KCNMA1: variants seen among roughly 807,000 people sequenced by gnomAD.
KCNMA1 encodes the protein Calcium-activated potassium channel subunit alpha-1.
In KCNMA1, 29 loss-of-function variants were observed where a neutral mutation model predicts 140.0. The ratio of observed to expected loss-of-function variants is 0.21; its 90% CI spans 0.15 to 0.28. The LOEUF is 0.28. Among genes scored for constraint, KCNMA1 ranks in the 10% least tolerant of loss-of-function variants. KCNMA1 has a pLI of 1.00. For synonymous variants in KCNMA1, 612 were observed against 611.9 expected (o/e 1.00, Z 0.00); for missense variants, 880 against 1,602.2 (o/e 0.55, Z 7.70).
At chr10:77,361,421 C>T (rs1260861991) in intron 2 of KCNMA1, among the ~76,000 whole-genome samples, 4 of 152,194 alleles carry the variant, frequency 2.6e-5, no homozygotes, top group African/African-American at 9.7e-5. Context: ...GGGACTTCCT[C>T]CCAGGAGGCC....
intron 2 of KCNMA1, among the ~76,000 whole-genome samples, chr10:77,306,938 G>T (rs1408107333): frequency 6.6e-6 from 1 of 152,164 alleles, no homozygotes; most frequent in Non-Finnish European, 1.5e-5. Flanking sequence ...ATTAGCCAAG[G>T]TCAATACCTG....
At chr10:77,290,463 TC>T (rs1259868591) in intron 2 of KCNMA1, among the ~76,000 whole-genome samples, 1 of 152,172 alleles carries the variant, frequency 6.6e-6, no homozygotes, top group Non-Finnish European at 1.5e-5. Context: ...CACCACTCCT[TC>T]CCGTGAGCCA....
intron 20 of KCNMA1, among the ~76,000 whole-genome samples, chr10:76,954,254 C>T (rs894011330): frequency 2.0e-5 from 3 of 146,644 alleles, no homozygotes; most frequent in Admixed American, 1.4e-4. Flanking sequence ...ACCAGCTATT[C>T]GATCTCCCCA....
At chr10:77,063,628 C>A in intron 14 of KCNMA1, 2 of 613,270 alleles carry the variant, frequency 3.3e-6, no homozygotes, top group Non-Finnish European at 4.1e-6. Context: ...GTTCTGGACA[C>A]AGATTCACAC....
intron 2 of KCNMA1, among the ~76,000 whole-genome samples, chr10:77,399,290 G>C (rs1009672127): frequency 6.6e-6 from 1 of 152,074 alleles, no homozygotes; most frequent in Non-Finnish European, 1.5e-5. Flanking sequence ...GAGAAATCCT[G>C]ACGACATTGA....
intron 23 of KCNMA1, among the ~76,000 whole-genome samples, chr10:76,920,921 T>C (rs150022412): frequency 2.0e-5 from 3 of 152,354 alleles, no homozygotes; most frequent in Non-Finnish European, 4.4e-5. Flanking sequence ...TATGGCAGCA[T>C]GCACAACTCA....
Position 77,279,531 on chromosome 10 carries a change from C to T in KCNMA1, c.541-28275G>A, listed in dbSNP as rs142490695. On this transcript the variant is annotated intron_variant, in intron 2 of 27. Coordinates refer to ENST00000286628, the MANE Select transcript of KCNMA1 (RefSeq NM_001161352.2). ...ACAAATAACACTTATTTTCCTGTCT[C>T]ACAGAAGCAGGGAGATAAATGCCAA... Among the ~76,000 whole-genome samples, 59 of 152,316 alleles carry T rather than the reference C, an allele frequency of 3.9e-4. No homozygotes were observed. In the East Asian group the frequency reaches 0.01, roughly 26 times the overall value.
chr10:77,522,472 C>T (rs768236777), intron 1 of KCNMA1, among the ~76,000 whole-genome samples: 3 of 152,174 alleles, frequency 2.0e-5, no homozygotes, highest in South Asian at 2.1e-4. Flanking sequence ...GAATAACTGT[C>T]GGGAACAGCA....
intron 5 of KCNMA1, among the ~76,000 whole-genome samples, chr10:77,183,028 T>C (rs2098815223): frequency 2.0e-5 from 3 of 152,204 alleles, no homozygotes; most frequent in Non-Finnish European, 4.4e-5. Flanking sequence ...AGACCAAAGC[T>C]AACTTTGGCA....
intron 1 of KCNMA1, among the ~76,000 whole-genome samples, chr10:77,628,147 T>G (rs1294069299): frequency 6.6e-6 from 1 of 151,948 alleles, no homozygotes; most frequent in Non-Finnish European, 1.5e-5. Context: ...CAACTTGAAA[T>G]GCACATACAG....
chr10:77,350,885 T>G (rs1301311843), intron 2 of KCNMA1: 1 of 152,168 alleles, frequency 6.6e-6, no homozygotes, highest in East Asian at 1.9e-4. Context: ...GGTGACTCAG[T>G]GGTTGACTCA....
Position 77,368,690 on chromosome 10 carries a change from G to C in KCNMA1, c.540+35172C>G, listed in dbSNP as rs550108967. Reference sequence around the variant, plus strand: ...TACACTTATATCTGTGATCCACTTTGAGTCAATTTTTGTATAAGACATGAA... The same window carrying C: ...TACACTTATATCTGTGATCCACTTTCAGTCAATTTTTGTATAAGACATGAA... On this transcript the variant is annotated intron_variant, in intron 2 of 27. Transcript: ENST00000286628. Among the ~76,000 whole-genome samples, 4 of 152,228 alleles carry C rather than the reference G, an allele frequency of 2.6e-5. No homozygotes were observed. The South Asian group carries it at 8.3e-4, about 32-fold the overall frequency.
At chr10:77,310,301 C>T (rs368190909) in intron 2 of KCNMA1, among the ~76,000 whole-genome samples, 1 of 152,114 alleles carries the variant, frequency 6.6e-6, no homozygotes, top group Non-Finnish European at 1.5e-5. Flanking sequence ...CAGTGCCTAT[C>T]CCCCATCCCA....
intron 1 of KCNMA1, among the ~76,000 whole-genome samples, chr10:77,503,965 T>C (rs1300976057): frequency 6.6e-6 from 1 of 151,946 alleles, no homozygotes; most frequent in Admixed American, 6.5e-5. Context: ...ACATGTCCAA[T>C]GTTCAGCTTG....
intron 27 of KCNMA1, 169 bp from the exon 28 acceptor site, chr10:76,887,684 A>G: frequency 1.3e-6 from 1 of 750,802 alleles, no homozygotes. Flanking sequence ...TTAAATGGAA[A>G]CTTCCTCTGT....
intron 23 of KCNMA1, among the ~76,000 whole-genome samples, chr10:76,941,018 G>GAAAGAAAGAAAGAAAGAAAGAAAGAAAGA (rs2061877247): frequency 5.2e-5 from 2 of 38,258 alleles, no homozygotes; most frequent in African/African-American, 2.7e-4. Flanking sequence ...AGGAAGGAAG[G>GAAAGAAAGAAAGAAAGAAAGAAAGAAAGA]AAGAAAGAAA....
chr10:76,906,109 T>C (rs969173858), intron 25 of KCNMA1, among the ~76,000 whole-genome samples: 7 of 152,218 alleles, frequency 4.6e-5, no homozygotes, highest in Admixed American at 4.6e-4. Flanking sequence ...ACAGCAGTTC[T>C]GGAATCCAGA....
At chr10:76,928,139 T>C (rs1368042721) in intron 23 of KCNMA1, among the ~76,000 whole-genome samples, 1 of 152,068 alleles carries the variant, frequency 6.6e-6, no homozygotes, top group African/African-American at 2.4e-5. Flanking sequence ...TCTTTATTGC[T>C]CTTACTTATG....
intron 23 of KCNMA1, among the ~76,000 whole-genome samples, chr10:76,925,004 A>G (rs2057242293): frequency 6.6e-6 from 1 of 151,974 alleles, no homozygotes; most frequent in Non-Finnish European, 1.5e-5. Context: ...TTCCCTCCCA[A>G]CCCAGCTCCT....
Sources: allele counts gnomAD v4.1 joint callset (sites outside exome capture counted in the v4.1 genomes callset), GRCh38; gene constraint gnomAD v4.1.1; transcripts MANE v1.5; gene names NCBI Gene and HGNC (gene_info 2026-07-23, HGNC 2026-07-21).